LAPTM4B: variants seen among roughly 807,000 people sequenced by gnomAD.
LAPTM4B encodes lysosomal protein transmembrane 4 beta.
LAPTM4B carries 26 observed loss-of-function variants against 28.5 expected under a neutral mutation model. That is an observed-to-expected ratio of 0.91 (90% confidence interval 0.67 to 1.27). The LOEUF is 1.27. Ranked by LOEUF, LAPTM4B falls within the 50% of genes most tolerant of loss-of-function variation. The pLI, the probability that LAPTM4B is intolerant of heterozygous loss-of-function variation, is 0.00. For missense variants in LAPTM4B, 288 were observed against 285.8 expected, an observed-to-expected ratio of 1.01 and a Z score of -0.06; for synonymous variants, 109 against 106.4, an observed-to-expected ratio of 1.02 and a Z score of -0.15.
intron 6 of LAPTM4B, among the ~76,000 whole-genome samples, chr8:97,841,700 T>C (rs1259191675): frequency 1.3e-5 from 2 of 152,220 alleles, no homozygotes; most frequent in African/African-American, 4.8e-5. Context: ...CTGTGAGTTA[T>C]TCCAGTTACT....
intron 6 of LAPTM4B, among the ~76,000 whole-genome samples, chr8:97,839,639 A>G (rs1817315871): frequency 6.6e-6 from 1 of 152,156 alleles, no homozygotes; most frequent in Non-Finnish European, 1.5e-5. Context: ...GGGGGATCTC[A>G]GAGTGTGTTT....
intron 1 of LAPTM4B, among the ~76,000 whole-genome samples, chr8:97,776,975 C>G (rs1816229850): frequency 6.6e-6 from 1 of 151,922 alleles, no homozygotes; most frequent in East Asian, 1.9e-4. Context: ...TGGTGGCACC[C>G]CTAGACTGCA....
chr8:97,828,354 C>T (rs1247236985), intron 6 of LAPTM4B, among the ~76,000 whole-genome samples: 3 of 152,024 alleles, frequency 2.0e-5, no homozygotes, highest in East Asian at 1.9e-4. Flanking sequence ...TTAAAAGGAG[C>T]ATATGTCGAA....
At chr8:97,779,067 G>T (rs1816268984) in intron 1 of LAPTM4B, among the ~76,000 whole-genome samples, 1 of 152,142 alleles carries the variant, frequency 6.6e-6, no homozygotes, top group Admixed American at 6.6e-5. Context: ...GGAGAGTTAA[G>T]AATTAGCCAG....
chr8:97,815,677 C>T (rs1227786043), intron 3 of LAPTM4B, among the ~76,000 whole-genome samples: 2 of 152,122 alleles, frequency 1.3e-5, no homozygotes, highest in Non-Finnish European at 2.9e-5. Context: ...AGTGATTCTC[C>T]CACCTCAGCC....
chr8:97,783,507 T>G (rs1456371207), intron 1 of LAPTM4B, among the ~76,000 whole-genome samples: 2 of 152,138 alleles, frequency 1.3e-5, no homozygotes, highest in African/African-American at 4.8e-5. Context: ...ATTTGCATCT[T>G]TAGGGAAAAT....
At chr8:97,796,166 C>T (rs1429666783) in intron 1 of LAPTM4B, among the ~76,000 whole-genome samples, 1 of 152,242 alleles carries the variant, frequency 6.6e-6, no homozygotes, top group Non-Finnish European at 1.5e-5. Context: ...GTCTCCGATT[C>T]CTGACCTCAA....
At chr8:97,848,934 T>C (rs1427151784) in intron 6 of LAPTM4B, among the ~76,000 whole-genome samples, 1 of 150,042 alleles carries the variant, frequency 6.7e-6, no homozygotes, top group Non-Finnish European at 1.5e-5. Context: ...TACTTTTTTC[T>C]TCCCGCAGCT....
chr8:97,813,939 A>G (rs753379799), intron 2 of LAPTM4B, among the ~76,000 whole-genome samples: 2 of 152,214 alleles, frequency 1.3e-5, no homozygotes, highest in South Asian at 2.1e-4. Context: ...TTTGGGGTTC[A>G]TTTTTATAAA....
Position 97,851,407 on chromosome 8 carries a change from C to G in LAPTM4B, c.614C>G (p.Pro205Arg). 6.2e-7 allele frequency: 1 copy of G among 1,613,942 alleles called. No homozygotes were observed. The highest frequency in any genetic ancestry group is 8.5e-7 in the Non-Finnish European group (1 of 1,179,844). ...VTSNDTTVLL[P>R]PYDDATVNGA... ...CCTCTTTCTTCTCAGGTGCTGCTAC[C>G]CCCGTATGATGATGCCACTGTGAAT... The change falls in exon 7 of 7, where the codon CCC (proline) becomes CGC (arginine). Residue 205 changes from proline to arginine, a missense_variant. Pro to Arg is a moderately radical substitution (Grantham distance 103). Coordinates refer to ENST00000521545, the MANE Select transcript of LAPTM4B (RefSeq NM_018407.6).
At chr8:97,807,966 G>T (rs1816779195) in intron 2 of LAPTM4B, among the ~76,000 whole-genome samples, 1 of 151,534 alleles carries the variant, frequency 6.6e-6, no homozygotes, top group African/African-American at 2.4e-5. Flanking sequence ...GGGATTATAG[G>T]TATGTGCCAT....
At chr8:97,792,127 A>AC (rs1816508438) in intron 1 of LAPTM4B, among the ~76,000 whole-genome samples, 1 of 152,156 alleles carries the variant, frequency 6.6e-6, no homozygotes, top group Admixed American at 6.5e-5. Flanking sequence ...AACCAAAGAG[A>AC]CCATCCTTTG....
chr8:97,832,141 A>G (rs1011598275), intron 6 of LAPTM4B, among the ~76,000 whole-genome samples: 2 of 152,224 alleles, frequency 1.3e-5, no homozygotes, highest in Non-Finnish European at 2.9e-5. Context: ...AATGCATCCT[A>G]CTAGCTTTTT....
chr8:97,819,174 C>T lies in LAPTM4B; in HGVS notation c.443C>T (p.Ser148Leu), dbSNP rs1300502372. Reference protein sequence around the residue: ...PNFPYRDDVMSVNPTCLVLII... With the variant: ...PNFPYRDDVMLVNPTCLVLII... ...TTTCCCTACAGAGATGATGTCATGT[C>T]AGTGAATCCTACCTGTTTGGTCCTT... The change falls in exon 5 of 7, where the codon TCA (serine) becomes TTA (leucine). Residue 148 changes from serine (S) to leucine (L), a missense_variant. By Grantham distance (145) the Ser-to-Leu change is moderately radical (BLOSUM62 -2). Coordinates refer to ENST00000521545, the MANE Select transcript of LAPTM4B (RefSeq NM_018407.6). The T allele has an allele frequency of 1.2e-6, 2 of 1,609,610 alleles. No individual in the cohort carries two copies. Among genetic ancestry groups the T allele is most frequent in the South Asian group, 1.1e-5 (1 of 90,706 alleles).
intron 6 of LAPTM4B, among the ~76,000 whole-genome samples, chr8:97,827,563 A>C (rs1408765899): frequency 6.6e-6 from 1 of 152,186 alleles, no homozygotes; most frequent in Non-Finnish European, 1.5e-5. Flanking sequence ...GGTTGGTCAG[A>C]AGCTCCTGAG....
intron 2 of LAPTM4B, among the ~76,000 whole-genome samples, chr8:97,812,227 G>GTTTTTTTTT (rs55878345): frequency 2.2e-5 from 2 of 89,102 alleles, no homozygotes; most frequent in Non-Finnish European, 2.1e-5. Context: ...GTTGTTTTTT[G>GTTTTTTTTT]TTTTTTTTTT....
intron 6 of LAPTM4B, 31 bp from the exon 7 acceptor site, chr8:97,851,366 A>T (rs1190122253): frequency 1.9e-6 from 3 of 1,541,722 alleles, no homozygotes; most frequent in African/African-American, 1.4e-5. Context: ...CTCTTCAAAC[A>T]TTAACTCTTG....
At chr8:97,796,429 T>C (rs1325162825) in intron 1 of LAPTM4B, among the ~76,000 whole-genome samples, 1 of 152,220 alleles carries the variant, frequency 6.6e-6, no homozygotes. Context: ...TTCACTCTGA[T>C]GTTTCTCCCT....
chr8:97,784,695 C>T lies in LAPTM4B; in HGVS notation c.99+8587C>T, dbSNP rs531884192. On this transcript the variant is annotated intron_variant, in intron 1 of 6. Transcript: ENST00000521545. ...CTTCGTGATCTGCCCACCTCAGCCT[C>T]CCAAAGTGTTGGGATTACAGGCATG... Among the ~76,000 whole-genome samples, 129 of 152,308 alleles carry T rather than the reference C, an allele frequency of 8.5e-4. 1 individual carries two copies. Among genetic ancestry groups the T allele is most frequent in the African/African-American group, 2.9e-3 (122 of 41,580 alleles).
Sources: gnomAD v4.1 joint callset for allele counts (sites outside exome capture counted in the v4.1 genomes callset) on GRCh38, gnomAD v4.1.1 for gene constraint, MANE v1.5 for transcripts, NCBI Gene and HGNC (gene_info 2026-07-23, HGNC 2026-07-21) for gene names.